Variants in ZNF407 observed in about 807,000 individuals in gnomAD.
The protein encoded by ZNF407 is zinc finger protein 407.
Under a neutral mutation model 131.2 loss-of-function variants are expected in ZNF407, and 17 were observed. The observed-to-expected ratio is 0.13, with a 90% confidence interval of 0.09 to 0.19. ZNF407 has a LOEUF of 0.19. Ranked by LOEUF, ZNF407 falls within the 10% of genes least tolerant of loss-of-function variation. The pLI is 1.00. For synonymous variants in ZNF407, 1,156 were observed against 1,062.0 expected (o/e 1.09, Z -1.72); for missense variants, 2,681 against 2,830.6 (o/e 0.95, Z 1.20).
rs985734346 is a variant in ZNF407, at chr18:74,645,457, A to G, written c.4802+4335A>G. Among the ~76,000 whole-genome samples, 9 of 152,240 alleles carry G rather than the reference A, an allele frequency of 5.9e-5. No individual in the cohort carries two copies. The East Asian group carries it at 1.7e-3, about 29-fold the overall frequency. ...TCTTGATTCTTGTGTATGGAGTTAA[A>G]TAGTTGAAATGAATTTACCTAATCA... On this transcript the variant is annotated intron_variant, in intron 3 of 8. Coordinates refer to ENST00000299687, the MANE Select transcript of ZNF407 (RefSeq NM_017757.3).
At chr18:74,856,598 C>G (rs533694007) in intron 4 of ZNF407, among the ~76,000 whole-genome samples, 4 of 152,116 alleles carry the variant, frequency 2.6e-5, no homozygotes, top group Non-Finnish European at 5.9e-5. Flanking sequence ...TAGCTGCCAG[C>G]AAATCTAAAG....
At chr18:74,614,859 T>G (rs62097594) in intron 1 of ZNF407, among the ~76,000 whole-genome samples, 18,140 of 152,244 alleles carry the variant, frequency 0.12, 1,203 homozygotes, top group Non-Finnish European at 0.14. Flanking sequence ...CCTTCATGAA[T>G]GGCAGAATGA....
intron 8 of ZNF407, among the ~76,000 whole-genome samples, chr18:74,928,411 A>G (rs1261476321): frequency 1.3e-5 from 2 of 152,192 alleles, no homozygotes; most frequent in African/African-American, 4.8e-5. Context: ...GAGAGAATAG[A>G]TGGTGAAGGT....
chr18:74,753,376 C>T (rs1968852740), intron 3 of ZNF407, among the ~76,000 whole-genome samples: 1 of 152,182 alleles, frequency 6.6e-6, no homozygotes, highest in Non-Finnish European at 1.5e-5. Flanking sequence ...ACTACCCTGG[C>T]CAGAACTTCC....
chr18:74,830,600 C>T (rs539800888), intron 4 of ZNF407, among the ~76,000 whole-genome samples: 107 of 152,120 alleles, frequency 7.0e-4, no homozygotes, highest in Admixed American at 4.0e-3. Context: ...TTTTAATTGA[C>T]GAATAATGTT....
chr18:74,661,212 A>G (rs756009644), intron 3 of ZNF407, among the ~76,000 whole-genome samples: 1 of 152,138 alleles, frequency 6.6e-6, no homozygotes, highest in Non-Finnish European at 1.5e-5. Flanking sequence ...CAAAAAATCA[A>G]TGTGCTGTGT....
At chr18:74,849,790 A>G (rs916329229) in intron 4 of ZNF407, among the ~76,000 whole-genome samples, 4 of 152,224 alleles carry the variant, frequency 2.6e-5, no homozygotes, top group African/African-American at 7.2e-5. Flanking sequence ...AGAAAAGATA[A>G]TAAGATTGAA....
In ZNF407 at chr18:75,064,666, C is replaced by T. The variant is rs3744912; in HGVS notation, c.*198C>T. 6.7e-3 allele frequency: 3,334 copies of T among 499,662 alleles called. 63 individuals carry two copies. Among genetic ancestry groups the T allele is most frequent in the East Asian group, 0.048 (1,567 of 32,366 alleles). The allele number at this position is 499,662 out of a possible 1,614,324, so 31.0% of individuals were successfully genotyped here. A position where few individuals can be genotyped will look rare whatever the true frequency, so the allele number is the denominator to read the frequency against. On this transcript the variant is annotated 3_prime_UTR_variant, in exon 9 of 9. Transcript: ENST00000299687. The stretch of plus-strand genomic sequence containing the variant: ...ACAGAGGGTACCGTGGGCTGGGCCT[C>T]GGGGAGCAGGCTGCCAAGTGCAGGG...
chr18:74,866,224 A>G (rs1971008213), intron 4 of ZNF407, among the ~76,000 whole-genome samples: 1 of 152,204 alleles, frequency 6.6e-6, no homozygotes, highest in African/African-American at 2.4e-5. Flanking sequence ...GTGATGCTCC[A>G]GTGCACAAAT....
At chr18:74,729,850 T>C (rs1968252490) in intron 3 of ZNF407, among the ~76,000 whole-genome samples, 1 of 152,170 alleles carries the variant, frequency 6.6e-6, no homozygotes, top group Admixed American at 6.5e-5. Flanking sequence ...AAAAAGACTA[T>C]TATCTTGTGA....
chr18:74,756,537 A>G (rs1311322083), intron 3 of ZNF407, among the ~76,000 whole-genome samples: 1 of 152,184 alleles, frequency 6.6e-6, no homozygotes, highest in Non-Finnish European at 1.5e-5. Context: ...TTCTATTGGT[A>G]AATTTACTTC....
intron 3 of ZNF407, among the ~76,000 whole-genome samples, chr18:74,655,933 T>C (rs1055017135): frequency 3.3e-5 from 5 of 152,182 alleles, no homozygotes; most frequent in African/African-American, 4.8e-5. Flanking sequence ...CAACTGCTTA[T>C]TCTATTATTA....
chr18:74,651,805 A>G (rs1005510646), intron 3 of ZNF407, among the ~76,000 whole-genome samples: 3 of 152,222 alleles, frequency 2.0e-5, no homozygotes, highest in Non-Finnish European at 4.4e-5. Context: ...AGAGCAATCA[A>G]GATGACAGTT....
At chr18:74,904,202 A>G (rs1447127079) in intron 7 of ZNF407, among the ~76,000 whole-genome samples, 3 of 152,238 alleles carry the variant, frequency 2.0e-5, no homozygotes, top group Non-Finnish European at 4.4e-5. Flanking sequence ...AAGGCATATA[A>G]TAATTGAGTA....
intron 8 of ZNF407, among the ~76,000 whole-genome samples, chr18:74,983,341 TG>T (rs1054184900): frequency 1.3e-5 from 2 of 152,200 alleles, no homozygotes; most frequent in African/African-American, 4.8e-5. Flanking sequence ...TATCTTAGGC[TG>T]TGTAAGCCAT....
At chr18:74,919,557 G>T (rs530441938) in intron 7 of ZNF407, among the ~76,000 whole-genome samples, 1 of 152,166 alleles carries the variant, frequency 6.6e-6, no homozygotes, top group Non-Finnish European at 1.5e-5. Context: ...TTTTCTTCTG[G>T]CATTTAATTT....
rs531221484 is a variant in ZNF407 at position 74,716,069 on chromosome 18, C to A, written c.4803-65359C>A. Among the ~76,000 whole-genome samples, 4 of 152,310 alleles carry A rather than the reference C, an allele frequency of 2.6e-5. No homozygotes were observed. The South Asian group carries it at 6.2e-4, about 24-fold the overall frequency. On this transcript the variant is annotated intron_variant, in intron 3 of 8. Transcript: ENST00000299687. The stretch of plus-strand genomic sequence containing the variant: ...GAGTAGAGTAGGGAACTTAGAGACT[C>A]TCCCTTATTCAGAGTACTGAAGTGC...
At chr18:75,044,602 C>G (rs1973411322) in intron 8 of ZNF407, among the ~76,000 whole-genome samples, 2 of 152,070 alleles carry the variant, frequency 1.3e-5, no homozygotes, top group Admixed American at 1.3e-4. Context: ...TTGAAATAAC[C>G]CTGAACTATT....
At chr18:74,714,409 A>C (rs917362952) in intron 3 of ZNF407, among the ~76,000 whole-genome samples, 1 of 152,228 alleles carries the variant, frequency 6.6e-6, no homozygotes, top group Non-Finnish European at 1.5e-5. Flanking sequence ...TGGTTATATG[A>C]AAGACACATT....
Sources: allele counts gnomAD v4.1 joint callset (sites outside exome capture counted in the v4.1 genomes callset), GRCh38; gene constraint gnomAD v4.1.1; transcripts MANE v1.5; gene names NCBI Gene and HGNC (gene_info 2026-07-23, HGNC 2026-07-21).